The following ZFP90 variants were observed in gnomAD, a reference collection of about 807,000 sequenced individuals.
ZFP90 encodes ZFP90 zinc finger protein.
ZFP90 carries 38 observed loss-of-function variants against 60.8 expected under a neutral mutation model. The observed-to-expected ratio is 0.62, with a 90% CI of 0.48 to 0.82. The LOEUF (loss-of-function observed/expected upper bound fraction) is 0.82, where lower values mean the gene tolerates loss of function less well. Among genes scored for constraint, ZFP90 ranks in the 40% least tolerant of loss-of-function variants. ZFP90 has a pLI of 0.00. For missense variants in ZFP90, 711 were observed against 759.1 expected, an observed-to-expected ratio of 0.94 and a Z score of 0.74; for synonymous variants, 287 against 264.8, an observed-to-expected ratio of 1.08 and a Z score of -0.82.
intron 2 of ZFP90, among the ~76,000 whole-genome samples, chr16:68,555,740 G>T (rs1183033007): frequency 6.6e-6 from 1 of 152,168 alleles, no homozygotes; most frequent in Non-Finnish European, 1.5e-5. Flanking sequence ...TCCAGTGGGG[G>T]ATCAGAAGAC....
chr16:68,576,069 A>G lies in ZFP90; in HGVS notation c.*193A>G, dbSNP rs571141675. ...AAAAAAAAAAAAAAGCATTTCATTA[A>G]CAAGAGTGATCTTTGTGGCATTTTA... is the stretch of plus-strand genomic sequence containing the variant. On this transcript the variant is annotated 3_prime_UTR_variant, in exon 3 of 3. Transcript: ENST00000573113. The G allele has an allele frequency of 3.6e-4, 122 of 337,996 alleles. No individual in the cohort carries two copies. In the East Asian group the frequency reaches 4.9e-3, roughly 14 times the overall value. The allele number at this position is 337,996 out of a possible 1,614,324, so 20.9% of individuals were successfully genotyped here. A position where few individuals can be genotyped will look rare whatever the true frequency, so the allele number is the denominator to read the frequency against.
chr16:68,539,798 C>A lies in ZFP90; in HGVS notation c.6C>A (p.Ala2=). 6.2e-7 allele frequency: 1 copy of A among 1,602,728 alleles called. No homozygotes were observed. The highest frequency in any genetic ancestry group is 2.2e-5 in the East Asian group (1 of 44,580). Residue 2 remains alanine, a synonymous_variant, in exon 2 of 5, where the codon GCC becomes GCA. Transcript: ENST00000563169. M[A]PRPPTAAPQE... ...CGGGCCCTGGCGAGGCAGGAATGGC[C>A]CCGAGGCCTCCGACCGCCGCGCCCC... is the stretch of plus-strand genomic sequence containing the variant.
chr16:68,571,896 G>A (rs1348686055), downstream of ZFP90, among the ~76,000 whole-genome samples: 3 of 152,236 alleles, frequency 2.0e-5, no homozygotes, highest in Non-Finnish European at 4.4e-5. Flanking sequence ...GGAGGGCAGA[G>A]GAGCAGAGGG....
At chr16:68,559,847 A>G (rs1318581278) in intron 4 of ZFP90, among the ~76,000 whole-genome samples, 1 of 152,194 alleles carries the variant, frequency 6.6e-6, no homozygotes, top group Non-Finnish European at 1.5e-5. Context: ...TTCTGGGATT[A>G]CAAGCATGAG....
In ZFP90 at chr16:68,565,542, T is replaced by C. The variant is rs1441395921; in HGVS notation, c.*844T>C. Reference sequence around the variant, plus strand: ...ATGGTTGAACTACTAGTGACTTTTTTCCCCTTTTCCCAGTTACAATTATAC... The same window carrying C: ...ATGGTTGAACTACTAGTGACTTTTTCCCCCTTTTCCCAGTTACAATTATAC... On this transcript the variant is annotated 3_prime_UTR_variant, in exon 5 of 5. Transcript: ENST00000563169. The C allele has an allele frequency of 5.1e-6, 5 of 985,462 alleles. No individual in the cohort carries two copies. Among genetic ancestry groups the C allele is most frequent in the Admixed American group, 1.2e-4 (2 of 16,268 alleles). 61.0% of individuals were successfully genotyped at this position (985,462 alleles called of 1,614,324 possible).
rs1489802906 is a variant in ZFP90 at position 68,539,799 on chromosome 16, C to G, written c.7C>G (p.Pro3Ala). Reference sequence around the variant, plus strand: ...GGGCCCTGGCGAGGCAGGAATGGCCCCGAGGCCTCCGACCGCCGCGCCCCA... The same window carrying G: ...GGGCCCTGGCGAGGCAGGAATGGCCGCGAGGCCTCCGACCGCCGCGCCCCA... Reference protein sequence around the residue: MAPRPPTAAPQES... With the variant: MAARPPTAAPQES... Residue 3 changes from proline (P) to alanine (A), a missense_variant, in exon 2 of 5, where the codon CCG becomes GCG. By Grantham distance (27) the Pro-to-Ala change is conservative. This residue lies in a region of ZFP90 where 27 missense variants were observed against 17.9 expected (regional missense o/e 1.50). Transcript: ENST00000563169. The G allele has an allele frequency of 6.2e-7, 1 of 1,602,970 alleles. No homozygotes were observed. The highest frequency in any genetic ancestry group is 8.5e-7 in the Non-Finnish European group (1 of 1,176,442).
rs1318438874 is a variant in ZFP90, at chr16:68,558,534, A to T, written c.222A>T (p.Ile74=). The stretch of plus-strand genomic sequence containing the variant: ...TGGAGCAAGGAGAAGAGCCATGGAT[A>T]TCAGAGGGAGAAATCCAACGACCTT... The part of the protein sequence containing the change: ...FKLEQGEEPW[I]SEGEIQRPFY... The change falls in exon 4 of 5, where the codon ATA becomes ATT. Residue 74 remains isoleucine, a synonymous_variant. Transcript: ENST00000563169. The T allele has an allele frequency of 1.2e-6, 2 of 1,613,974 alleles. No homozygotes were observed. The highest frequency in any genetic ancestry group is 1.7e-6 in the Non-Finnish European group (2 of 1,180,012).
rs2091515259 is a variant in ZFP90 at position 68,565,695 on chromosome 16, AAG to A, written c.*1000_*1001del. Reference sequence around the variant, plus strand: ...ATCAATGGGAAAACAACAGAAAACTAAGAGGAGAATTTTCCCGTTAATTTTCT... The same window carrying A: ...ATCAATGGGAAAACAACAGAAAACTAAGGAGAATTTTCCCGTTAATTTTCT... On this transcript the variant is annotated 3_prime_UTR_variant, in exon 5 of 5. Coordinates refer to ENST00000563169, the MANE Select transcript of ZFP90 (RefSeq NM_001305203.2). 1.0e-6 allele frequency: 1 copy of A among 983,508 alleles called. No homozygotes were observed. The highest frequency in any genetic ancestry group is 1.2e-6 in the Non-Finnish European group (1 of 829,676). 60.9% of individuals were successfully genotyped at this position (983,508 alleles called of 1,614,324 possible). A position where few individuals can be genotyped will look rare whatever the true frequency, so the allele number is the denominator to read the frequency against.
upstream of ZFP90, among the ~76,000 whole-genome samples, chr16:68,536,195 C>T (rs1163770893): frequency 6.6e-6 from 1 of 152,224 alleles, no homozygotes; most frequent in African/African-American, 2.4e-5. Flanking sequence ...AACCTCTGCT[C>T]TCCTGGGTAG....
intron 2 of ZFP90, among the ~76,000 whole-genome samples, chr16:68,548,400 T>G (rs1488337078): frequency 6.6e-6 from 1 of 152,038 alleles, no homozygotes; most frequent in Non-Finnish European, 1.5e-5. Flanking sequence ...GTTTAGAATT[T>G]AAAAGTTTTT....
chr16:68,568,694 T>C (rs2152077805), downstream of ZFP90, among the ~76,000 whole-genome samples: 1 of 152,242 alleles, frequency 6.6e-6, no homozygotes. Flanking sequence ...GCATATTCTT[T>C]TTGAGACAGG....
At chr16:68,540,984 C>G (rs940449806) in intron 2 of ZFP90, among the ~76,000 whole-genome samples, 2 of 147,762 alleles carry the variant, frequency 1.4e-5, no homozygotes, top group African/African-American at 5.0e-5. Context: ...TCTTGGCTCA[C>G]TGCAACCTCT....
upstream of ZFP90, among the ~76,000 whole-genome samples, chr16:68,538,533 C>G (rs964927550): frequency 2.0e-5 from 3 of 151,964 alleles, no homozygotes; most frequent in Admixed American, 2.0e-4. Flanking sequence ...GAAAACCTGT[C>G]TCTACTAAAT....
intron 2 of ZFP90, 50 bp from the exon 3 acceptor site, chr16:68,557,948 A>C (rs1243739170): frequency 6.2e-7 from 1 of 1,610,372 alleles, no homozygotes. Context: ...GCATTGCCTT[A>C]GAACATTTGT....
intron 1 of ZFP90, 125 bp from the exon 2 acceptor site, chr16:68,539,633 C>T: frequency 1.4e-6 from 1 of 726,978 alleles, no homozygotes; most frequent in Admixed American, 3.7e-5. Flanking sequence ...CAGGCCCGGG[C>T]TGGTTCCACG....
At chr16:68,546,734 A>G (rs1280402986) in intron 2 of ZFP90, among the ~76,000 whole-genome samples, 2 of 152,078 alleles carry the variant, frequency 1.3e-5, no homozygotes, top group Non-Finnish European at 2.9e-5. Context: ...CTGGTCTCGA[A>G]CTCCAGACCT....
chr16:68,545,858 C>T (rs568278760), intron 2 of ZFP90, among the ~76,000 whole-genome samples: 1 of 151,914 alleles, frequency 6.6e-6, no homozygotes, highest in Non-Finnish European at 1.5e-5. Flanking sequence ...CCTTACTTTT[C>T]CGTGTTGTAT....
chr16:68,569,821 TTC>T (rs2091558265), downstream of ZFP90, among the ~76,000 whole-genome samples: 1 of 152,238 alleles, frequency 6.6e-6, no homozygotes, highest in Admixed American at 6.5e-5. Flanking sequence ...ATAATTCCTC[TTC>T]TCTGTGCATC....
Position 68,564,958 on chromosome 16 carries a change from G to C in ZFP90, c.*260G>C. The C allele has an allele frequency of 8.3e-7, 1 of 1,206,456 alleles. No individual in the cohort carries two copies. The highest frequency in any genetic ancestry group is 1.0e-6 in the Non-Finnish European group (1 of 970,690). The allele number at this position is 1,206,456 out of a possible 1,614,324, so 74.7% of individuals were successfully genotyped here. On this transcript the variant is annotated 3_prime_UTR_variant, in exon 5 of 5. Transcript: ENST00000563169. ...TGCCTGTATGTTGGACTTTGCTTTTGAATATATGTATGCAGGATATCATCA... is the reference window on the plus strand; with the variant it reads ...TGCCTGTATGTTGGACTTTGCTTTTCAATATATGTATGCAGGATATCATCA...
Sources: gnomAD v4.1 joint callset for allele counts (sites outside exome capture counted in the v4.1 genomes callset) on GRCh38, gnomAD v4.1.1 for gene constraint, gnomAD v4.1.1 regional missense constraint, MANE v1.5 for transcripts, NCBI Gene and HGNC (gene_info 2026-07-23, HGNC 2026-07-21) for gene names.